Variants in RBFOX1 observed in about 807,000 individuals in gnomAD.
RBFOX1 encodes RNA binding protein fox-1 homolog 1.
A neutral mutation model predicts 57.7 loss-of-function variants in RBFOX1; 8 were observed. That is an observed-to-expected ratio of 0.14 (90% CI 0.08 to 0.25). RBFOX1 has a LOEUF of 0.25. Among genes scored for constraint, RBFOX1 ranks in the 10% least tolerant of loss-of-function variants. The probability of loss-of-function intolerance (pLI) is 1.00; values close to 1 mark genes in which losing one functional copy is unlikely to be tolerated. For synonymous variants in RBFOX1, 326 were observed against 222.4 expected (o/e 1.47, Z -4.15); for missense variants, 611 against 548.5 (o/e 1.11, Z -1.14).
At chr16:5,585,814 T>G (rs1188974704) in intron 2 of RBFOX1, among the ~76,000 whole-genome samples, 1 of 152,228 alleles carries the variant, frequency 6.6e-6, no homozygotes, top group African/African-American at 2.4e-5. Context: ...TGCTGGAGAT[T>G]CCAACCTGAT....
chr16:5,596,488 G>C (rs2047187890), intron 2 of RBFOX1, among the ~76,000 whole-genome samples: 1 of 152,184 alleles, frequency 6.6e-6, no homozygotes. Flanking sequence ...ATTGATTCAT[G>C]CTGCCTGGGG....
chr16:5,410,178 A>T (rs1164624066), intron 1 of RBFOX1, among the ~76,000 whole-genome samples: 4 of 151,942 alleles, frequency 2.6e-5, no homozygotes, highest in Non-Finnish European at 5.9e-5. Context: ...AGCCTGGGCA[A>T]CATTGCAAGA....
chr16:5,947,744 C>G lies in RBFOX1; in HGVS notation c.351+80409C>G, dbSNP rs1483587170. 2.6e-5 allele frequency among the ~76,000 whole-genome samples: 4 copies of G among 152,162 alleles called. No homozygotes were observed. The highest frequency in any genetic ancestry group is 5.9e-5 in the Non-Finnish European group (4 of 68,032). On this transcript the variant is annotated intron_variant, in intron 4 of 19. Coordinates refer to the RBFOX1 transcript ENST00000641259. The surrounding 1 kb of genome is among the most constrained non-coding windows in gnomAD (Gnocchi z 7.2). ...CCTTTTTACTATGTCCAGGAACATT[C>G]TTAAGGGGGTGTCTCCACCTAACAG... is the stretch of plus-strand genomic sequence containing the variant.
intron 4 of RBFOX1, among the ~76,000 whole-genome samples, chr16:7,344,695 A>T (rs950894245): frequency 2.0e-5 from 3 of 152,154 alleles, no homozygotes; most frequent in African/African-American, 7.2e-5. Context: ...ACTTATTTTA[A>T]AAGGAAACTG....
At chr16:7,312,019 G>C (rs1029048249) in intron 4 of RBFOX1, among the ~76,000 whole-genome samples, 3 of 152,190 alleles carry the variant, frequency 2.0e-5, no homozygotes, top group Admixed American at 2.0e-4. Flanking sequence ...TATTAAGTAA[G>C]ATGCAAATGG....
chr16:6,837,597 C>T (rs1218871378), intron 3 of RBFOX1, among the ~76,000 whole-genome samples: 1 of 152,186 alleles, frequency 6.6e-6, no homozygotes, highest in Admixed American at 6.5e-5. Flanking sequence ...CTACTGGGAA[C>T]AATTTGTGCA....
At chr16:5,983,492 G>T (rs746506513) in intron 4 of RBFOX1, among the ~76,000 whole-genome samples, 4 of 152,218 alleles carry the variant, frequency 2.6e-5, no homozygotes, top group Non-Finnish European at 4.4e-5. Flanking sequence ...GTGAAGAGAG[G>T]GGTACGGTGG....
At chr16:5,260,063 T>A (rs538142052) in intron 1 of RBFOX1, among the ~76,000 whole-genome samples, 5 of 152,230 alleles carry the variant, frequency 3.3e-5, no homozygotes, top group Non-Finnish European at 7.3e-5. Context: ...TAGTCAGGCA[T>A]GATGGTGCAT....
At chr16:6,235,212 C>G (rs1349226324) in intron 1 of RBFOX1, among the ~76,000 whole-genome samples, 1 of 152,144 alleles carries the variant, frequency 6.6e-6, no homozygotes, top group African/African-American at 2.4e-5. Flanking sequence ...GTCCACCTGG[C>G]TTTGTTTTCA....
intron 3 of RBFOX1, among the ~76,000 whole-genome samples, chr16:6,949,304 G>A (rs981108226): frequency 1.3e-5 from 2 of 152,160 alleles, no homozygotes; most frequent in Non-Finnish European, 2.9e-5. Context: ...AGAAAGACAT[G>A]TACCAGTTAG....
At chr16:7,448,025 C>G (rs1348565276) in intron 4 of RBFOX1, among the ~76,000 whole-genome samples, 1 of 152,194 alleles carries the variant, frequency 6.6e-6, no homozygotes, top group Non-Finnish European at 1.5e-5. Context: ...ACCCTCCTTT[C>G]TTCTGAAGCA....
intron 4 of RBFOX1, among the ~76,000 whole-genome samples, chr16:7,297,762 C>G (rs780498638): frequency 2.0e-5 from 3 of 152,078 alleles, no homozygotes; most frequent in Non-Finnish European, 2.9e-5. Context: ...AATACACAGA[C>G]ACATTCTTAT....
intron 2 of RBFOX1, among the ~76,000 whole-genome samples, chr16:6,543,411 A>T (rs2096851764): frequency 6.6e-6 from 1 of 151,624 alleles, no homozygotes; most frequent in South Asian, 2.1e-4. Context: ...GCGCACCTTT[A>T]TTGGGTTGGC....
Position 6,619,019 on chromosome 16 carries a change from C to T in RBFOX1, c.-63-35584C>T, listed in dbSNP as rs563198513. ...AAAGACACTGTGAGAGGAACTTAAT[C>T]GTTTCCCAGGGGATCAGGGAGAAGA... On this transcript the variant is annotated intron_variant, in intron 2 of 15. Coordinates refer to ENST00000550418, the MANE Select transcript of RBFOX1 (RefSeq NM_018723.4). Among the ~76,000 whole-genome samples, 334 of 152,304 alleles carry T rather than the reference C, an allele frequency of 2.2e-3. 1 individual carries two copies. Among genetic ancestry groups the T allele is most frequent in the Non-Finnish European group, 3.0e-3 (203 of 68,032 alleles).
chr16:7,512,118 G>T (rs191883111), intron 4 of RBFOX1, among the ~76,000 whole-genome samples: 1 of 152,152 alleles, frequency 6.6e-6, no homozygotes, highest in African/African-American at 2.4e-5. Context: ...AAAGGTGGGG[G>T]TTTGGCATTG....
At chr16:7,658,942 C>T (rs768059039) in intron 12 of RBFOX1, among the ~76,000 whole-genome samples, 2 of 152,194 alleles carry the variant, frequency 1.3e-5, no homozygotes, top group African/African-American at 2.4e-5. Flanking sequence ...CCAGGCTGCT[C>T]TCAAACTCCT....
At chr16:5,846,412 C>T (rs1318137301) in intron 3 of RBFOX1, among the ~76,000 whole-genome samples, 5 of 151,726 alleles carry the variant, frequency 3.3e-5, no homozygotes, top group African/African-American at 1.2e-4. Context: ...GTTTTATGGG[C>T]TTTATTATCT....
At chr16:7,250,313 C>T (rs559470248) in intron 4 of RBFOX1, among the ~76,000 whole-genome samples, 1 of 152,078 alleles carries the variant, frequency 6.6e-6, no homozygotes, top group African/African-American at 2.4e-5. Context: ...TTCCTGGGAG[C>T]GTGGGATGCT....
rs148138055 is a variant in RBFOX1 at position 7,692,155 on chromosome 16, T to G, written c.995+15317T>G. Among the ~76,000 whole-genome samples, 428 of 152,272 alleles carry G rather than the reference T, an allele frequency of 2.8e-3. 2 individuals are homozygous for G. Among genetic ancestry groups the G allele is most frequent in the African/African-American group, 9.7e-3 (404 of 41,564 alleles). The stretch of plus-strand genomic sequence containing the variant: ...AAAAAGCCCAAAATCTTATGTTAAC[T>G]TTTATTGTCTTAAGGAAAGTGATAA... On this transcript the variant is annotated intron_variant, in intron 14 of 15. Transcript: ENST00000550418.
Sources: allele counts gnomAD v4.1 joint callset (sites outside exome capture counted in the v4.1 genomes callset), GRCh38; gene constraint gnomAD v4.1.1; non-coding constraint Gnocchi (gnomAD v3.1); transcripts MANE v1.5; gene names NCBI Gene and HGNC (gene_info 2026-07-23, HGNC 2026-07-21).